The following GSG1L variants were observed in gnomAD, a reference collection of about 807,000 sequenced individuals.
The protein encoded by GSG1L is GSG1 like, also known as germ cell-specific gene 1-like protein.
In GSG1L, 24 loss-of-function variants were observed where a neutral mutation model predicts 42.1. The observed-to-expected ratio is 0.57, with a 90% confidence interval of 0.41 to 0.80. GSG1L has a LOEUF of 0.80. Ranked by LOEUF, GSG1L falls within the 30% of genes least tolerant of loss-of-function variation. GSG1L has a pLI of 0.00. For missense variants in GSG1L, 445 were observed against 472.2 expected (o/e 0.94, Z 0.53); for synonymous variants, 215 against 203.5 (o/e 1.06, Z -0.48).
Position 27,791,988 on chromosome 16 carries a change from A to G in GSG1L, c.899-521T>C, listed in dbSNP as rs116670053. ...GCACCCCCTGCAGTCACGTTCACTC[A>G]CCTCACATAAAGCCATGCCCCCACT... On this transcript the variant is annotated intron_variant, in intron 6 of 6. Transcript: ENST00000447459. 4.6e-3 allele frequency among the ~76,000 whole-genome samples: 691 copies of G among 151,246 alleles called. 8 individuals carry two copies. The highest frequency in any genetic ancestry group is 0.016 in the African/African-American group (641 of 41,166).
At chr16:27,956,049 A>T (rs562552498) in intron 2 of GSG1L, among the ~76,000 whole-genome samples, 42 of 152,328 alleles carry the variant, frequency 2.8e-4, no homozygotes, top group African/African-American at 8.7e-4. Flanking sequence ...ACATTTACAC[A>T]TTTGCCAATA....
chr16:27,830,498 A>G (rs1445504117), intron 4 of GSG1L, among the ~76,000 whole-genome samples: 3 of 152,180 alleles, frequency 2.0e-5, no homozygotes, highest in Non-Finnish European at 4.4e-5. Flanking sequence ...CAAAAGGACC[A>G]TCTATTTCCC....
At chr16:27,963,984 T>A (rs925369876) in intron 1 of GSG1L, among the ~76,000 whole-genome samples, 1 of 152,102 alleles carries the variant, frequency 6.6e-6, no homozygotes, top group Non-Finnish European at 1.5e-5. Context: ...AAAAGTGGTG[T>A]GCTACAGTGG....
intron 5 of GSG1L, among the ~76,000 whole-genome samples, chr16:27,810,546 C>T (rs72780169): frequency 0.19 from 29,448 of 152,076 alleles, 3,105 homozygotes; most frequent in African/African-American, 0.28. Context: ...CTGTACTTCC[C>T]AGGGAACATA....
intron 1 of GSG1L, among the ~76,000 whole-genome samples, chr16:28,053,115 A>G (rs1292402401): frequency 2.0e-5 from 3 of 152,130 alleles, no homozygotes; most frequent in African/African-American, 7.2e-5. Flanking sequence ...CTGTAGAGAA[A>G]CCAGGGTGGA....
At position 28,047,015 on chromosome 16, in the gene GSG1L, A is replaced by G. The variant is rs548358171; in HGVS notation, c.349+16061T>C. Among the ~76,000 whole-genome samples, 3 of 152,298 alleles carry G rather than the reference A, an allele frequency of 2.0e-5. No homozygotes were observed. The South Asian group carries it at 6.2e-4, about 32-fold the overall frequency. The stretch of plus-strand genomic sequence containing the variant: ...GGACAGGAACCTAGTCATCCTCTTC[A>G]CTGAATCCAGCTTCCATCATGGGAC... On this transcript the variant is annotated intron_variant, in intron 1 of 6. Transcript: ENST00000447459.
chr16:28,038,288 C>A (rs889020458), intron 1 of GSG1L, among the ~76,000 whole-genome samples: 29 of 40,588 alleles, frequency 7.1e-4, no homozygotes, highest in Non-Finnish European at 1.7e-3. Context: ...GAATTTGATC[C>A]CCCCCCAAAT....
chr16:27,984,243 C>G (rs976878680), intron 1 of GSG1L, among the ~76,000 whole-genome samples: 45 of 152,156 alleles, frequency 3.0e-4, no homozygotes, highest in Admixed American at 7.9e-4. Flanking sequence ...TCTCAGCTCC[C>G]TTGGACCTTG....
intron 1 of GSG1L, among the ~76,000 whole-genome samples, chr16:28,018,204 G>T (rs1375215320): frequency 6.6e-6 from 1 of 152,042 alleles, no homozygotes; most frequent in African/African-American, 2.4e-5. Flanking sequence ...TGCAACTTTT[G>T]GCTGTAATAA....
At chr16:27,974,370 A>G (rs1443835021) in intron 1 of GSG1L, among the ~76,000 whole-genome samples, 4 of 152,116 alleles carry the variant, frequency 2.6e-5, no homozygotes, top group African/African-American at 9.7e-5. Flanking sequence ...CCAGAAAACC[A>G]CCAGCTGTGG....
At chr16:27,847,723 C>T (rs1376741534) in intron 3 of GSG1L, among the ~76,000 whole-genome samples, 2 of 152,180 alleles carry the variant, frequency 1.3e-5, no homozygotes, top group Non-Finnish European at 2.9e-5. Context: ...CTCGTGATAG[C>T]GAGTGAGTTC....
At chr16:27,850,331 A>C (rs1473600049) in intron 3 of GSG1L, 1 of 349,540 alleles carries the variant, frequency 2.9e-6, no homozygotes, top group African/African-American at 2.2e-5. Flanking sequence ...CGGCCTTGAA[A>C]TGCCTATTTT....
intron 2 of GSG1L, among the ~76,000 whole-genome samples, chr16:27,902,794 C>T (rs184964098): frequency 9.9e-5 from 15 of 152,262 alleles, no homozygotes; most frequent in Middle Eastern, 3.4e-3. Context: ...AAACGATGTC[C>T]GCCTTAAGGG....
rs1387468641 is a variant in GSG1L at position 27,877,175 on chromosome 16, G to A, written c.550+7311C>T. Among the ~76,000 whole-genome samples, 4 of 152,072 alleles carry A rather than the reference G, an allele frequency of 2.6e-5. No individual in the cohort carries two copies. In the East Asian group the frequency reaches 5.8e-4, roughly 22 times the overall value. The stretch of plus-strand genomic sequence containing the variant: ...AGCCCTGTCTTCCCCAATACCTCTC[G>A]ACCGAAGTCACAAGACTTGGGGGGA... On this transcript the variant is annotated intron_variant, in intron 3 of 6. Coordinates refer to ENST00000447459, the MANE Select transcript of GSG1L (RefSeq NM_001109763.2).
intron 1 of GSG1L, among the ~76,000 whole-genome samples, chr16:28,025,234 G>A (rs2085886733): frequency 6.6e-6 from 1 of 152,142 alleles, no homozygotes; most frequent in Admixed American, 6.5e-5. Flanking sequence ...TGCGAGCCAT[G>A]TCACCAGGAG....
intron 5 of GSG1L, among the ~76,000 whole-genome samples, chr16:27,828,166 C>A (rs2083234867): frequency 6.6e-6 from 1 of 152,056 alleles, no homozygotes; most frequent in Non-Finnish European, 1.5e-5. Flanking sequence ...TCCACCCGCT[C>A]ACCTGTCCAG....
chr16:27,811,287 T>C (rs2083028139), intron 5 of GSG1L, among the ~76,000 whole-genome samples: 1 of 152,258 alleles, frequency 6.6e-6, no homozygotes, highest in Non-Finnish European at 1.5e-5. Context: ...CTTATAGCTG[T>C]ATATAAAAGA....
chr16:27,831,022 G>T (rs2083269740), intron 4 of GSG1L, among the ~76,000 whole-genome samples: 1 of 152,234 alleles, frequency 6.6e-6, no homozygotes, highest in Non-Finnish European at 1.5e-5. Flanking sequence ...CCTCGGCTTG[G>T]CTAATGAAAA....
At chr16:28,026,815 C>A (rs572804923) in intron 1 of GSG1L, among the ~76,000 whole-genome samples, 37 of 152,330 alleles carry the variant, frequency 2.4e-4, no homozygotes, top group South Asian at 6.2e-4. Context: ...GGCATTGTGG[C>A]TCATGCCTGT....
Sources: allele counts gnomAD v4.1 joint callset (sites outside exome capture counted in the v4.1 genomes callset), GRCh38; gene constraint gnomAD v4.1.1; transcripts MANE v1.5; gene names NCBI Gene and HGNC (gene_info 2026-07-23, HGNC 2026-07-21).